THADA: variants seen among roughly 807,000 people sequenced by gnomAD.
THADA encodes tRNA (32-2'-O)-methyltransferase regulator THADA.
In THADA, 213 loss-of-function variants were observed where a neutral mutation model predicts 219.8. That is an observed-to-expected ratio of 0.97 (90% CI 0.87 to 1.09). THADA has a LOEUF of 1.09. THADA is among the 50% of genes least tolerant of loss of function. The pLI is 0.00. For synonymous variants in THADA, 1,018 were observed against 828.9 expected (o/e 1.23, Z -3.92); for missense variants, 2,956 against 2,311.3 (o/e 1.28, Z -5.72).
chr2:43,296,167 C>G (rs1252674844), intron 31 of THADA, among the ~76,000 whole-genome samples: 1 of 152,082 alleles, frequency 6.6e-6, no homozygotes, highest in African/African-American at 2.4e-5. Context: ...ATCTGCTCGC[C>G]TCAGCCTCCC....
At chr2:43,320,714 G>A (rs1678605837) in intron 30 of THADA, among the ~76,000 whole-genome samples, 174 bp from the exon 31 acceptor site, 1 of 152,194 alleles carries the variant, frequency 6.6e-6, no homozygotes, top group Admixed American at 6.5e-5. Flanking sequence ...ACTAATGTGA[G>A]CAAATGAAAT....
At chr2:43,467,250 A>T (rs1247264849) in intron 26 of THADA, among the ~76,000 whole-genome samples, 1 of 151,988 alleles carries the variant, frequency 6.6e-6, no homozygotes, top group Non-Finnish European at 1.5e-5. Context: ...ACTTTAAGAA[A>T]TACTGTATAT....
chr2:43,380,976 T>C (rs1416005973), intron 29 of THADA, among the ~76,000 whole-genome samples: 1 of 151,628 alleles, frequency 6.6e-6, no homozygotes, highest in Non-Finnish European at 1.5e-5. Context: ...CACATGCCTA[T>C]AGTCCCAGCT....
intron 20 of THADA, among the ~76,000 whole-genome samples, chr2:43,548,321 G>A (rs1210049532): frequency 6.6e-6 from 1 of 152,366 alleles, no homozygotes; most frequent in African/African-American, 2.4e-5. Flanking sequence ...CAGGGGTCAG[G>A]GACCCACTTG....
At chr2:43,406,297 A>G (rs779233689) in intron 28 of THADA, among the ~76,000 whole-genome samples, 6 of 152,222 alleles carry the variant, frequency 3.9e-5, no homozygotes, top group Non-Finnish European at 5.9e-5. Context: ...AAAGCTCTCT[A>G]AACAATATGC....
At chr2:43,581,614 G>T in intron 8 of THADA, 127 bp downstream of exon 8, 1 of 776,468 alleles carries the variant, frequency 1.3e-6, no homozygotes, top group Non-Finnish European at 2.0e-6. Flanking sequence ...TTTTTGAGAG[G>T]CTGAGTAAGG....
chr2:43,375,536 A>T (rs912386895), intron 29 of THADA, among the ~76,000 whole-genome samples: 1 of 152,218 alleles, frequency 6.6e-6, no homozygotes, highest in Non-Finnish European at 1.5e-5. Flanking sequence ...TTACTGGATG[A>T]CATCTAAGAT....
intron 26 of THADA, among the ~76,000 whole-genome samples, chr2:43,469,481 A>C (rs1684654742): frequency 6.6e-6 from 1 of 152,136 alleles, no homozygotes; most frequent in South Asian, 2.1e-4. Flanking sequence ...AAAACACGGA[A>C]ATTTCCCCCT....
chr2:43,555,782 T>TA (rs968703590), intron 17 of THADA, among the ~76,000 whole-genome samples: 8 of 151,580 alleles, frequency 5.3e-5, no homozygotes, highest in Admixed American at 2.0e-4. Context: ...CTTTTCCTAT[T>TA]AAAAAAAAAT....
intron 4 of THADA, among the ~76,000 whole-genome samples, chr2:43,587,441 C>G (rs751134024): frequency 2.6e-4 from 39 of 152,190 alleles, no homozygotes; most frequent in Middle Eastern, 3.4e-3. Context: ...ACAATCCTGA[C>G]CTCATCTTGA....
chr2:43,352,096 A>G (rs1364361948), intron 29 of THADA, among the ~76,000 whole-genome samples: 3 of 152,232 alleles, frequency 2.0e-5, no homozygotes, highest in Non-Finnish European at 4.4e-5. Flanking sequence ...ATTTCTGAAA[A>G]TCTAGTTATA....
At chr2:43,491,632 T>G (rs184069928) in intron 25 of THADA, among the ~76,000 whole-genome samples, 1 of 152,222 alleles carries the variant, frequency 6.6e-6, no homozygotes. Context: ...CTCAGTATGA[T>G]AGCATGCTGT....
At position 43,290,551 on chromosome 2, in the gene THADA, G is replaced by C. The variant is rs536022711; in HGVS notation, c.5010+1145C>G. ...CTCTGAACTCTCACTCCCTCCTCTG[G>C]GTTCCCACGGCCCTGGCACACCTTG... is the stretch of plus-strand genomic sequence containing the variant. On this transcript the variant is annotated intron_variant, in intron 34 of 37. Coordinates refer to ENST00000405975, the MANE Select transcript of THADA (RefSeq NM_022065.5). 2.6e-5 allele frequency among the ~76,000 whole-genome samples: 4 copies of C among 152,044 alleles called. 1 individual carries two copies. The highest frequency in any genetic ancestry group is 9.6e-5 in the African/African-American group (4 of 41,460).
chr2:43,545,770 CTTT>C (rs1321496937), intron 20 of THADA, among the ~76,000 whole-genome samples: 1 of 151,780 alleles, frequency 6.6e-6, no homozygotes, highest in African/African-American at 2.4e-5. Context: ...CTCTTTTCTT[CTTT>C]ATTAGTCTTG....
intron 36 of THADA, among the ~76,000 whole-genome samples, chr2:43,258,773 T>C (rs144159052): frequency 5.3e-5 from 8 of 152,284 alleles, no homozygotes; most frequent in African/African-American, 1.9e-4. Flanking sequence ...AGGATAGAAC[T>C]TGGCAACTGG....
In THADA at chr2:43,576,287, T is replaced by C. The variant is rs552565412; in HGVS notation, c.1037+735A>G. 2.0e-5 allele frequency among the ~76,000 whole-genome samples: 3 copies of C among 152,346 alleles called. No individual in the cohort carries two copies. In the South Asian group the frequency reaches 6.2e-4, roughly 32 times the overall value. On this transcript the variant is annotated intron_variant, in intron 10 of 37. Coordinates refer to ENST00000405975, the MANE Select transcript of THADA (RefSeq NM_022065.5). ...ATGTTCAGTATTATCAAGCTGTATA[T>C]ATGTTTCGACATTTCATATACATGA...
rs193037865 is a variant in THADA at position 43,399,851 on chromosome 2, C to T, written c.4059-1712G>A. Among the ~76,000 whole-genome samples, 40 of 149,638 alleles carry T rather than the reference C, an allele frequency of 2.7e-4. 1 individual carries two copies. The East Asian group carries it at 5.4e-3, about 20-fold the overall frequency. On this transcript the variant is annotated intron_variant, in intron 28 of 37. Transcript: ENST00000405975. ...TATAGGAAATGGTAAGGGTGGGGGT[C>T]GGGGAGAAACTTCATTTGACCAAAA...
At chr2:43,371,836 T>C (rs1467321548) in intron 29 of THADA, 2 of 151,706 alleles carry the variant, frequency 1.3e-5, no homozygotes, top group Admixed American at 1.3e-4. Context: ...TTCCCTTTTC[T>C]GGTGCACTAA....
At chr2:43,374,657 T>C (rs1165411675) in intron 29 of THADA, among the ~76,000 whole-genome samples, 6 of 152,140 alleles carry the variant, frequency 3.9e-5, no homozygotes, top group Admixed American at 2.0e-4. Flanking sequence ...GTTGATGACA[T>C]ATAAGGATAC....
Sources: allele counts gnomAD v4.1 joint callset (sites outside exome capture counted in the v4.1 genomes callset), GRCh38; gene constraint gnomAD v4.1.1; transcripts MANE v1.5; gene names NCBI Gene and HGNC (gene_info 2026-07-23, HGNC 2026-07-21).